GABRR1: variants seen among roughly 807,000 people sequenced by gnomAD.
GABRR1 encodes gamma-aminobutyric acid type A receptor subunit rho1.
A neutral mutation model predicts 55.5 loss-of-function variants in GABRR1; 59 were observed. The ratio of observed to expected loss-of-function variants is 1.06; its 90% CI spans 0.86 to 1.32. The LOEUF (loss-of-function observed/expected upper bound fraction) is 1.32. Ranked by LOEUF, GABRR1 falls within the 40% of genes most tolerant of loss-of-function variation. The probability of loss-of-function intolerance (pLI) is 0.00; values close to 1 mark genes in which losing one functional copy is unlikely to be tolerated. For synonymous variants in GABRR1, 213 were observed against 226.0 expected, an observed-to-expected ratio of 0.94 and a Z score of 0.51; for missense variants, 602 against 619.1, an observed-to-expected ratio of 0.97 and a Z score of 0.29.
chr6:89,223,354 C>T (rs1192482998), intron 1 of GABRR1, among the ~76,000 whole-genome samples: 1 of 152,202 alleles, frequency 6.6e-6, no homozygotes, highest in Non-Finnish European at 1.5e-5. Context: ...CCAGATCCAT[C>T]CAGGTTGCTG....
At chr6:89,194,727 AC>A (rs1772209182) in intron 5 of GABRR1, among the ~76,000 whole-genome samples, 1 of 152,126 alleles carries the variant, frequency 6.6e-6, no homozygotes, top group Admixed American at 6.6e-5. Flanking sequence ...ACTGAGAAAT[AC>A]ATTTGCCGAA....
chr6:89,229,185 C>T (rs898330551), intron 1 of GABRR1, among the ~76,000 whole-genome samples: 20 of 151,758 alleles, frequency 1.3e-4, no homozygotes, highest in Admixed American at 3.3e-4. Context: ...TTCCTGAATA[C>T]AGCACACTGA....
intron 1 of GABRR1, among the ~76,000 whole-genome samples, chr6:89,225,477 A>C (rs1447043228): frequency 7.7e-6 from 1 of 129,876 alleles, no homozygotes; most frequent in African/African-American, 3.0e-5. Context: ...CTGTGATCTC[A>C]TTGTTCAATT....
chr6:89,199,521 T>C, intron 3 of GABRR1, 92 bp from the exon 4 acceptor site: 1 of 1,180,446 alleles, frequency 8.5e-7, no homozygotes, highest in Non-Finnish European at 1.2e-6. Flanking sequence ...CCCTGGAACC[T>C]CAATGTCATA....
Position 89,178,598 on chromosome 6 carries a change from T to A in GABRR1, c.*172A>T. On this transcript the variant is annotated 3_prime_UTR_variant, in exon 10 of 10. Transcript: ENST00000454853. ...CAATAGATGGTTAATAAGTGCAAATTAAACCAGTAAGTGTCTCGTCAATGT... is the reference window on the plus strand; with the variant it reads ...CAATAGATGGTTAATAAGTGCAAATAAAACCAGTAAGTGTCTCGTCAATGT... 1.6e-6 allele frequency: 1 copy of A among 619,608 alleles called. No homozygotes were observed. The highest frequency in any genetic ancestry group is 2.8e-6 in the Non-Finnish European group (1 of 355,492). The allele number at this position is 619,608 out of a possible 1,614,324, so 38.4% of individuals were successfully genotyped here.
At chr6:89,190,568 C>A (rs1419181503) in intron 5 of GABRR1, among the ~76,000 whole-genome samples, 1 of 152,174 alleles carries the variant, frequency 6.6e-6, no homozygotes, top group African/African-American at 2.4e-5. Context: ...GATATGGTTT[C>A]TTAAAAGAAG....
rs377348003 is a variant in GABRR1 at position 89,179,425 on chromosome 6, G to A, written c.1147-362C>T. ...AGTAGAGACGAGGTTTCATCATGTT[G>A]GCCAGACTGGTCTCAAACTCCTGAT... On this transcript the variant is annotated intron_variant, in intron 9 of 9. Transcript: ENST00000454853. Among the ~76,000 whole-genome samples the A allele has an allele frequency of 9.2e-5, 14 of 152,250 alleles. 1 individual carries two copies. Among genetic ancestry groups the A allele is most frequent in the Admixed American group, 3.9e-4 (6 of 15,294 alleles).
Position 89,201,156 on chromosome 6 carries a change from T to C in GABRR1, c.280+3A>G. On this transcript the variant is annotated splice_donor_region_variant and intron_variant, in intron 3 of 9. Coordinates refer to ENST00000454853, the MANE Select transcript of GABRR1 (RefSeq NM_002042.5). ...GGACACCCTGAGAGCACACATCCCA[T>C]ACCTCCAAAGCCAGGCCTCATGCTG... 1 of 1,609,448 alleles carries C rather than the reference T, an allele frequency of 6.2e-7. No individual in the cohort carries two copies. Among genetic ancestry groups the C allele is most frequent in the Non-Finnish European group, 8.5e-7 (1 of 1,175,814 alleles).
At chr6:89,223,767 G>GTTT (rs35485745) in intron 1 of GABRR1, among the ~76,000 whole-genome samples, 1 of 135,350 alleles carries the variant, frequency 7.4e-6, no homozygotes, top group Admixed American at 7.4e-5. Flanking sequence ...TGCATTGTGG[G>GTTT]TTTTTTTTTT....
rs764303147 is a variant in GABRR1 at position 89,198,223 on chromosome 6, G to A, written c.369C>T (p.Tyr123=). 1 of 1,613,942 alleles carries A rather than the reference G, an allele frequency of 6.2e-7. No individual in the cohort carries two copies. The highest frequency in any genetic ancestry group is 8.5e-7 in the Non-Finnish European group (1 of 1,179,932). ...TCTCGTCCTTCCAGTAGTGCCTCAGGTAGAGGGTCATCGTAAAGTCCTGGG... is the reference window on the plus strand; with the variant it reads ...TCTCGTCCTTCCAGTAGTGCCTCAGATAGAGGGTCATCGTAAAGTCCTGGG... ...EVDMDFTMTL[Y]LRHYWKDERL... The change falls in exon 5 of 10, where the codon TAC becomes TAT. Residue 123 remains tyrosine, a synonymous_variant. Transcript: ENST00000454853.
At chr6:89,197,980 C>T (rs370358388) in intron 5 of GABRR1, 40 bp downstream of exon 5, 14 of 1,565,926 alleles carry the variant, frequency 8.9e-6, no homozygotes, top group Non-Finnish European at 1.2e-5. Flanking sequence ...GAAACCAATG[C>T]TTTTCTTGGT....
At chr6:89,204,338 C>A (rs1368267009) in intron 1 of GABRR1, among the ~76,000 whole-genome samples, 1 of 152,218 alleles carries the variant, frequency 6.6e-6, no homozygotes, top group Non-Finnish European at 1.5e-5. Flanking sequence ...CAGGCGTGGG[C>A]AGAGCTAAGA....
intron 1 of GABRR1, among the ~76,000 whole-genome samples, chr6:89,222,509 G>A (rs990085096): frequency 2.0e-5 from 3 of 152,188 alleles, no homozygotes; most frequent in Non-Finnish European, 4.4e-5. Flanking sequence ...TGTCGGGAAG[G>A]CTGTGGTATT....
intron 1 of GABRR1, among the ~76,000 whole-genome samples, chr6:89,212,434 A>G (rs1772855818): frequency 5.8e-5 from 2 of 34,690 alleles, no homozygotes; most frequent in South Asian, 1.1e-3. Context: ...GTCTCTCTGA[A>G]ATGGAAATCT....
At chr6:89,223,337 A>G (rs1453465277) in intron 1 of GABRR1, among the ~76,000 whole-genome samples, 1 of 152,192 alleles carries the variant, frequency 6.6e-6, no homozygotes, top group Non-Finnish European at 1.5e-5. Context: ...ACTTAGAGTA[A>G]TATTCTCCAG....
chr6:89,185,575 A>G (rs1335580462), intron 6 of GABRR1, 125 bp from the exon 7 acceptor site: 1 of 791,344 alleles, frequency 1.3e-6, no homozygotes, highest in Non-Finnish European at 2.1e-6. Context: ...GATAGTTTGA[A>G]AAACAAACCA....
chr6:89,181,090 A>G (rs1771703627), intron 8 of GABRR1, among the ~76,000 whole-genome samples: 1 of 152,230 alleles, frequency 6.6e-6, no homozygotes, highest in Non-Finnish European at 1.5e-5. Context: ...TTAAAACTAG[A>G]GTGTGTAGCT....
Position 89,178,785 on chromosome 6 carries a change from C to A in GABRR1, c.1425G>T (p.Trp475Cys). ...AAYILFNLIY[W>C]SIFS Reference sequence around the variant, plus strand: ...TTACAAGCATCTAGGAGAAAATAGACCAGTATATTAAATTGAATAAAATGT... The same window carrying A: ...TTACAAGCATCTAGGAGAAAATAGAACAGTATATTAAATTGAATAAAATGT... Residue 475 changes from tryptophan to cysteine, a missense_variant, in exon 10 of 10, where the codon TGG (tryptophan) becomes TGT (cysteine). Trp to Cys is a radical substitution (Grantham distance 215). Transcript: ENST00000454853. 6.2e-7 allele frequency: 1 copy of A among 1,612,946 alleles called. No individual in the cohort carries two copies. The highest frequency in any genetic ancestry group is 8.5e-7 in the Non-Finnish European group (1 of 1,179,022).
intron 2 of GABRR1, among the ~76,000 whole-genome samples, chr6:89,203,139 G>A (rs1472432927): frequency 6.6e-6 from 1 of 152,210 alleles, no homozygotes; most frequent in Non-Finnish European, 1.5e-5. Context: ...AGGTGGCCCA[G>A]GGAAAGAATT....
Sources: allele counts gnomAD v4.1 joint callset (sites outside exome capture counted in the v4.1 genomes callset), GRCh38; gene constraint gnomAD v4.1.1; transcripts MANE v1.5; gene names NCBI Gene and HGNC (gene_info 2026-07-23, HGNC 2026-07-21).